Variants in WARS2 observed in about 807,000 individuals in gnomAD.
WARS2 encodes the protein tryptophan--tRNA ligase, mitochondrial.
WARS2 carries 28 observed loss-of-function variants against 36.5 expected under a neutral mutation model. That is an observed-to-expected ratio of 0.77 (90% CI 0.57 to 1.05). The LOEUF (loss-of-function observed/expected upper bound fraction) is 1.05, where lower values mean the gene tolerates loss of function less well. WARS2 is among the 50% of genes least tolerant of loss of function. The pLI is 0.00. For missense variants in WARS2, 435 were observed against 456.8 expected (o/e 0.95, Z 0.44); for synonymous variants, 174 against 178.4 (o/e 0.98, Z 0.20).
At chr1:119,081,632 G>A (rs1652197425) in intron 1 of WARS2, among the ~76,000 whole-genome samples, 1 of 152,082 alleles carries the variant, frequency 6.6e-6, no homozygotes, top group African/African-American at 2.4e-5. Flanking sequence ...CTTTCTATAA[G>A]TCTATTTATT....
chr1:119,051,637 C>A (rs1328686213), intron 2 of WARS2, among the ~76,000 whole-genome samples: 1 of 152,072 alleles, frequency 6.6e-6, no homozygotes, highest in East Asian at 1.9e-4. Context: ...AATGGTTGAA[C>A]TAATTTATAC....
chr1:119,116,016 T>C (rs1468910756), intron 1 of WARS2, among the ~76,000 whole-genome samples: 2 of 152,222 alleles, frequency 1.3e-5, no homozygotes, highest in African/African-American at 4.8e-5. Flanking sequence ...ATAAGCATTA[T>C]GCGTTTGCGC....
intron 1 of WARS2, among the ~76,000 whole-genome samples, chr1:119,088,013 G>T (rs1007434904): frequency 6.6e-6 from 1 of 152,160 alleles, no homozygotes; most frequent in African/African-American, 2.4e-5. Flanking sequence ...GCTTATCCCA[G>T]AAGAAGAAAT....
intron 2 of WARS2, among the ~76,000 whole-genome samples, chr1:119,054,753 T>G (rs934794193): frequency 1.3e-5 from 2 of 152,164 alleles, no homozygotes; most frequent in Non-Finnish European, 2.9e-5. Flanking sequence ...TGCTACAATA[T>G]GAATGAACTT....
At chr1:119,069,289 ATGGGGAGG>A (rs1651119661) in intron 2 of WARS2, among the ~76,000 whole-genome samples, 1 of 152,312 alleles carries the variant, frequency 6.6e-6, no homozygotes, top group Middle Eastern at 3.4e-3. Flanking sequence ...TAATTGTGTG[ATGGGGAGG>A]TGGGTATAAC....
chr1:119,121,479 A>G (rs1655322049), intron 1 of WARS2, among the ~76,000 whole-genome samples: 1 of 152,096 alleles, frequency 6.6e-6, no homozygotes, highest in South Asian at 2.1e-4. Flanking sequence ...AAAGCAATCT[A>G]TAAATTCAAT....
intron 2 of WARS2, among the ~76,000 whole-genome samples, chr1:119,053,669 A>G (rs577746457): frequency 3.9e-4 from 60 of 152,346 alleles, no homozygotes; most frequent in African/African-American, 1.4e-3. Flanking sequence ...CCCAATCAGC[A>G]GAGTAAAAAG....
intron 1 of WARS2, among the ~76,000 whole-genome samples, chr1:119,083,573 T>A (rs183644318): frequency 6.6e-6 from 1 of 152,324 alleles, no homozygotes; most frequent in East Asian, 1.9e-4. Context: ...AACATCTCTT[T>A]GGGCTATTTT....
At chr1:119,066,109 T>C (rs17185996) in intron 2 of WARS2, among the ~76,000 whole-genome samples, 14,247 of 151,140 alleles carry the variant, frequency 0.094, 942 homozygotes, top group Non-Finnish European at 0.13. Flanking sequence ...TAAAGGAAAA[T>C]ACTGAATTGG....
At position 119,076,414 on chromosome 1, in the gene WARS2, A is replaced by G; in HGVS notation, c.284T>C (p.Met95Thr). ...PAVLRQSILD[M>T]TAVLLACGIN... ...GCCACAGGCAAGAAGAACAGCAGTCATGTCCAGGATGCTCTGCCGAAGGAC... is the reference window on the plus strand; with the variant it reads ...GCCACAGGCAAGAAGAACAGCAGTCGTGTCCAGGATGCTCTGCCGAAGGAC... The change falls in exon 2 of 6, where the codon ATG becomes ACG. Residue 95 changes from methionine (M) to threonine (T), a missense_variant. Met to Thr is a moderately conservative substitution (Grantham distance 81). Coordinates refer to ENST00000235521, the MANE Select transcript of WARS2 (RefSeq NM_015836.4). 1 of 1,614,158 alleles carries G rather than the reference A, an allele frequency of 6.2e-7. No homozygotes were observed.
intron 2 of WARS2, among the ~76,000 whole-genome samples, chr1:119,057,316 TTG>T (rs777481980): frequency 2.0e-5 from 3 of 151,720 alleles, no homozygotes; most frequent in Non-Finnish European, 2.9e-5. Flanking sequence ...CGGCTAAATT[TTG>T]TGTTTTTAGT....
At chr1:119,127,175 G>T in intron 1 of WARS2, 1 of 725,720 alleles carries the variant, frequency 1.4e-6, no homozygotes, top group South Asian at 1.4e-5. Context: ...TTCTTATATT[G>T]AACATAGCAA....
At chr1:119,106,437 T>C (rs587631842) in intron 1 of WARS2, among the ~76,000 whole-genome samples, 1 of 152,340 alleles carries the variant, frequency 6.6e-6, no homozygotes, top group African/African-American at 2.4e-5. Context: ...AGAGTTTCAC[T>C]GCCCTAAGAA....
rs1317555435 is a variant in WARS2, at chr1:119,033,307, T to G, written c.687A>C (p.Lys229Asn). The change falls in exon 6 of 6, where the codon AAA (lysine) becomes AAC (asparagine). Residue 229 changes from lysine (K) to asparagine (N), a missense_variant. Transcript: ENST00000235521. Reference sequence around the variant, plus strand: ...CGGTGGCCAGTTTGTCAGGGTCTGATTTCGACATTTTGGCAGAAGGATCAC... The same window carrying G: ...CGGTGGCCAGTTTGTCAGGGTCTGAGTTCGACATTTTGGCAGAAGGATCAC... ...SLRDPSAKMS[K>N]SDPDKLATVR... 6.2e-7 allele frequency: 1 copy of G among 1,614,234 alleles called. No individual in the cohort carries two copies. The highest frequency in any genetic ancestry group is 1.7e-5 in the Admixed American group (1 of 60,032).
At chr1:119,071,540 C>A (rs918050868) in intron 2 of WARS2, among the ~76,000 whole-genome samples, 3 of 152,138 alleles carry the variant, frequency 2.0e-5, no homozygotes, top group Non-Finnish European at 4.4e-5. Flanking sequence ...TCAGTTATGA[C>A]AACATGGATG....
chr1:119,038,543 C>G (rs1250790633), intron 4 of WARS2, among the ~76,000 whole-genome samples: 1 of 152,174 alleles, frequency 6.6e-6, no homozygotes, highest in Non-Finnish European at 1.5e-5. Flanking sequence ...TCTGACTCTA[C>G]CAGTCTGAAG....
At chr1:119,057,692 A>C (rs1322600934) in intron 2 of WARS2, among the ~76,000 whole-genome samples, 1 of 151,850 alleles carries the variant, frequency 6.6e-6, no homozygotes, top group Non-Finnish European at 1.5e-5. Context: ...CTAGAGGCTG[A>C]GGCAGGAGGA....
intron 4 of WARS2, among the ~76,000 whole-genome samples, chr1:119,036,498 G>A (rs1448923831): frequency 6.6e-6 from 1 of 152,158 alleles, no homozygotes; most frequent in Admixed American, 6.5e-5. Flanking sequence ...GACATGCAGA[G>A]GTCACCTTGA....
At chr1:119,044,332 A>C (rs1648616481) in intron 3 of WARS2, among the ~76,000 whole-genome samples, 2 of 152,250 alleles carry the variant, frequency 1.3e-5, no homozygotes, top group Non-Finnish European at 1.5e-5. Flanking sequence ...TAAAGTGGGA[A>C]TAGTTCCTAT....
Sources: gnomAD v4.1 joint callset for allele counts (sites outside exome capture counted in the v4.1 genomes callset) on GRCh38, gnomAD v4.1.1 for gene constraint, MANE v1.5 for transcripts, NCBI Gene and HGNC (gene_info 2026-07-23, HGNC 2026-07-21) for gene names.